VPS8: variants seen among roughly 807,000 people sequenced by gnomAD.
VPS8 encodes the protein vacuolar protein sorting-associated protein 8 homolog.
Under a neutral mutation model 216.4 loss-of-function variants are expected in VPS8, and 129 were observed. That is an observed-to-expected ratio of 0.60 (90% confidence interval 0.52 to 0.69). The LOEUF (loss-of-function observed/expected upper bound fraction) is 0.69, where lower values mean the gene tolerates loss of function less well. Among genes scored for constraint, VPS8 ranks in the 30% least tolerant of loss-of-function variants. The pLI is 0.00. For missense variants in VPS8, 1,531 were observed against 1,683.5 expected (o/e 0.91, Z 1.59); for synonymous variants, 571 against 565.4 (o/e 1.01, Z -0.14).
intron 45 of VPS8, among the ~76,000 whole-genome samples, chr3:185,007,192 C>A (rs1754383992): frequency 6.6e-6 from 1 of 152,184 alleles, no homozygotes; most frequent in African/African-American, 2.4e-5. Flanking sequence ...TCCTCCTTCC[C>A]ACAGGCTTAC....
chr3:184,853,938 G>T lies in VPS8; in HGVS notation c.903G>T (p.Leu301=), dbSNP rs1367982071. The part of the protein sequence containing the change: ...SKGEVCCIEP[L]HSKPELKDHP... ...GTGAAGTCTGCTGTATTGAGCCTCT[G>T]CATTCTAAGCCTGAGTTGAAAGATC... Residue 301 remains leucine (L), a synonymous_variant, in exon 12 of 48, where the codon CTG becomes CTT. Coordinates refer to ENST00000625842, the MANE Select transcript of VPS8 (RefSeq NM_001009921.3). The T allele has an allele frequency of 6.2e-7, 1 of 1,613,126 alleles. No homozygotes were observed. Among genetic ancestry groups the T allele is most frequent in the East Asian group, 2.2e-5 (1 of 44,852 alleles).
intron 24 of VPS8, among the ~76,000 whole-genome samples, chr3:184,900,022 T>C (rs1734200734): frequency 6.6e-6 from 1 of 152,248 alleles, no homozygotes; most frequent in Non-Finnish European, 1.5e-5. Flanking sequence ...GTCCTGTCTC[T>C]TGAAATTGTC....
intron 43 of VPS8, 97 bp downstream of exon 43, chr3:184,994,160 A>G: frequency 7.0e-6 from 6 of 851,946 alleles, no homozygotes; most frequent in Non-Finnish European, 1.0e-5. Context: ...ATTACCATCT[A>G]TTTACTGGCA....
intron 34 of VPS8, among the ~76,000 whole-genome samples, 164 bp downstream of exon 34, chr3:184,930,732 C>G (rs893978644): frequency 6.6e-6 from 1 of 152,174 alleles, no homozygotes; most frequent in African/African-American, 2.4e-5. Flanking sequence ...TTCATAAAGT[C>G]TGTGTCACAT....
intron 40 of VPS8, among the ~76,000 whole-genome samples, chr3:184,972,212 G>A (rs1748543648): frequency 1.3e-5 from 2 of 152,190 alleles, no homozygotes; most frequent in Non-Finnish European, 2.9e-5. Context: ...GACTCCCGAA[G>A]TTACTATAAA....
At chr3:184,895,293 T>G (rs1733176689) in intron 23 of VPS8, among the ~76,000 whole-genome samples, 2 of 152,114 alleles carry the variant, frequency 1.3e-5, no homozygotes, top group Non-Finnish European at 2.9e-5. Flanking sequence ...GACTTTCAAC[T>G]ATGGCTGCTT....
At chr3:184,941,737 T>A (rs1387206536) in intron 36 of VPS8, among the ~76,000 whole-genome samples, 1 of 152,090 alleles carries the variant, frequency 6.6e-6, no homozygotes, top group African/African-American at 2.4e-5. Flanking sequence ...CAGTGTTAGA[T>A]CCATTCACTG....
chr3:184,979,684 A>G (rs188494016), intron 40 of VPS8, among the ~76,000 whole-genome samples: 7 of 152,022 alleles, frequency 4.6e-5, no homozygotes, highest in Admixed American at 2.6e-4. Context: ...CTTTGAGTCT[A>G]TGGGTATCAT....
At chr3:184,852,163 A>G (rs1361431545) in intron 10 of VPS8, among the ~76,000 whole-genome samples, 1 of 152,118 alleles carries the variant, frequency 6.6e-6, no homozygotes, top group Non-Finnish European at 1.5e-5. Context: ...AAAGGATCTC[A>G]TTTACTTAGT....
rs552847551 is a variant in VPS8 at position 184,899,083 on chromosome 3, A to C, written c.2094+429A>C. ...GGGGAAGGCTCCTGAAAATGGTAGG[A>C]GGCCATTATTTGTTAATTGATCATT... On this transcript the variant is annotated intron_variant, in intron 24 of 47. Transcript: ENST00000625842. 1.4e-4 allele frequency among the ~76,000 whole-genome samples: 22 copies of C among 152,268 alleles called. No individual in the cohort carries two copies. The East Asian group carries it at 4.2e-3, about 29-fold the overall frequency.
intron 36 of VPS8, among the ~76,000 whole-genome samples, chr3:184,948,316 A>C (rs9857265): frequency 0.089 from 13,482 of 151,954 alleles, 643 homozygotes; most frequent in African/African-American, 0.095. Flanking sequence ...ATTCAAGACC[A>C]GCCTGGGCAA....
chr3:184,950,454 A>G (rs1744493468), intron 36 of VPS8, among the ~76,000 whole-genome samples: 1 of 151,960 alleles, frequency 6.6e-6, no homozygotes, highest in South Asian at 2.1e-4. Context: ...GAAATGGAAG[A>G]TTAATCTAGA....
chr3:184,920,230 T>A, intron 29 of VPS8, 32 bp downstream of exon 29: 6 of 1,349,916 alleles, frequency 4.4e-6, no homozygotes, highest in Non-Finnish European at 6.0e-6. Flanking sequence ...GTCTTTATAT[T>A]GATATTTATA....
intron 5 of VPS8, 96 bp downstream of exon 5, chr3:184,834,838 C>T: frequency 4.3e-6 from 4 of 931,180 alleles, no homozygotes; most frequent in South Asian, 1.9e-5. Context: ...TCTCTTGGCC[C>T]GAGGCTTAAG....
intron 37 of VPS8, among the ~76,000 whole-genome samples, chr3:184,961,576 C>T (rs1278195139): frequency 6.6e-6 from 1 of 152,068 alleles, no homozygotes; most frequent in Admixed American, 6.6e-5. Context: ...CCTGAGGTCT[C>T]CACCATCCTA....
At chr3:185,007,738 G>A (rs1157733169) in intron 45 of VPS8, among the ~76,000 whole-genome samples, 1 of 152,088 alleles carries the variant, frequency 6.6e-6, no homozygotes, top group African/African-American at 2.4e-5. Flanking sequence ...TTATTTCTTG[G>A]TGTTTAGTGT....
chr3:184,868,572 G>A (rs893456145), intron 18 of VPS8, among the ~76,000 whole-genome samples: 1 of 152,178 alleles, frequency 6.6e-6, no homozygotes, highest in Admixed American at 6.5e-5. Flanking sequence ...ATTGTTCCCA[G>A]TGGCTACAAG....
chr3:184,839,927 T>G, intron 7 of VPS8, 175 bp downstream of exon 7: 1 of 1,378,170 alleles, frequency 7.3e-7, no homozygotes, highest in Non-Finnish European at 9.3e-7. Context: ...ACAGCTTTGT[T>G]TTGCTGCTTA....
chr3:184,830,019 A>G (rs1469168872), intron 3 of VPS8, among the ~76,000 whole-genome samples: 1 of 152,178 alleles, frequency 6.6e-6, no homozygotes, highest in Non-Finnish European at 1.5e-5. Context: ...AGTTCAGCTT[A>G]TTAAAATTTT....
Sources: gnomAD v4.1 joint callset for allele counts (sites outside exome capture counted in the v4.1 genomes callset) on GRCh38, gnomAD v4.1.1 for gene constraint, MANE v1.5 for transcripts, NCBI Gene and HGNC (gene_info 2026-07-23, HGNC 2026-07-21) for gene names.